The following ARID2 variants were observed in gnomAD, a reference collection of about 807,000 sequenced individuals.
The protein encoded by ARID2 is AT-rich interactive domain-containing protein 2.
ARID2 carries 32 observed loss-of-function variants against 184.6 expected under a neutral mutation model. That is an observed-to-expected ratio of 0.17 (90% CI 0.13 to 0.23). ARID2 has a LOEUF of 0.23. Ranked by LOEUF, ARID2 falls within the 10% of genes least tolerant of loss-of-function variation. ARID2 has a pLI of 1.00. For missense variants in ARID2, 1,696 were observed against 2,197.6 expected, an observed-to-expected ratio of 0.77 and a Z score of 4.56; for synonymous variants, 836 against 772.6, an observed-to-expected ratio of 1.08 and a Z score of -1.36.
chr12:45,747,985 A>T (rs558036189), intron 3 of ARID2, among the ~76,000 whole-genome samples: 2 of 152,242 alleles, frequency 1.3e-5, no homozygotes, highest in South Asian at 2.1e-4. Context: ...ATGAGAGTGA[A>T]TTTTTTGGTT....
At chr12:45,904,227 GAC>G in intron 20 of ARID2, 1 of 595,760 alleles carries the variant, frequency 1.7e-6, no homozygotes, top group Non-Finnish European at 3.0e-6. Context: ...ACTTAATGAA[GAC>G]TAAGAAGCTT....
intron 3 of ARID2, among the ~76,000 whole-genome samples, chr12:45,747,980 A>G (rs1369666520): frequency 6.6e-6 from 1 of 152,132 alleles, no homozygotes. Flanking sequence ...GTAAAATGAG[A>G]GTGAATTTTT....
intron 10 of ARID2, among the ~76,000 whole-genome samples, chr12:45,838,932 CT>C (rs1943275837): frequency 6.7e-6 from 1 of 148,384 alleles, no homozygotes; most frequent in Admixed American, 6.7e-5. Flanking sequence ...GTGGCCTGAT[CT>C]TGGCTCACTG....
At position 45,851,870 on chromosome 12, in the gene ARID2, A is replaced by G. The variant is rs2138174266; in HGVS notation, c.3747A>G (p.Glu1249=). The G allele has an allele frequency of 1.2e-6, 2 of 1,614,204 alleles. No homozygotes were observed. Among genetic ancestry groups the G allele is most frequent in the Non-Finnish European group, 1.7e-6 (2 of 1,180,014 alleles). The change falls in exon 15 of 21, where the codon GAA becomes GAG. Residue 1249 remains glutamate, a synonymous_variant. Transcript: ENST00000334344. ...GDKIICQKEE[E]AKEATGLHVH... The stretch of plus-strand genomic sequence containing the variant: ...AAATAATTTGCCAAAAGGAGGAGGA[A>G]GCAAAGGAAGCAACAGGTTTACATG...
chr12:45,867,092 A>G (rs1453685639), intron 16 of ARID2, among the ~76,000 whole-genome samples: 3 of 152,096 alleles, frequency 2.0e-5, no homozygotes, highest in Non-Finnish European at 4.4e-5. Context: ...CTGGGACTAC[A>G]GGTGCGTGCC....
At chr12:45,736,705 C>T (rs1305111303) in intron 3 of ARID2, among the ~76,000 whole-genome samples, 1 of 152,168 alleles carries the variant, frequency 6.6e-6, no homozygotes, top group Non-Finnish European at 1.5e-5. Context: ...AGAGTTTGTA[C>T]TCTAGAAACA....
chr12:45,893,226 T>C (rs1173381423), intron 18 of ARID2, among the ~76,000 whole-genome samples, 194 bp from the exon 19 acceptor site: 3 of 152,242 alleles, frequency 2.0e-5, no homozygotes, highest in East Asian at 3.8e-4. Context: ...AAACTTTACC[T>C]TGATACTAAG....
In ARID2 at chr12:45,852,705, G is replaced by A. The variant is rs761166036; in HGVS notation, c.4582G>A (p.Ala1528Thr). ...PAEDTDRETV[A>T]GIPNKVGVRI... ...AGAGGATACTGATAGGGAAACAGTC[G>A]CAGGAATTCCAAATAAAGTAGGAGT... Residue 1528 changes from alanine (A) to threonine (T), a missense_variant, in exon 15 of 21, where the codon GCA becomes ACA. Ala to Thr is a moderately conservative substitution (Grantham distance 58). This residue lies in a region of ARID2 where 111 missense variants were observed against 154.0 expected (regional missense o/e 0.72). Transcript: ENST00000334344. 13 of 1,613,976 alleles carry A rather than the reference G, an allele frequency of 8.1e-6. No homozygotes were observed. Among genetic ancestry groups the A allele is most frequent in the African/African-American group, 2.7e-5 (2 of 74,894 alleles).
At position 45,851,677 on chromosome 12, in the gene ARID2, C is replaced by G. The variant is rs775170616; in HGVS notation, c.3554C>G (p.Ala1185Gly). 15 of 1,614,018 alleles carry G rather than the reference C, an allele frequency of 9.3e-6. No individual in the cohort carries two copies. Among genetic ancestry groups the G allele is most frequent in the Non-Finnish European group, 1.2e-5 (14 of 1,180,022 alleles). The change falls in exon 15 of 21, where the codon GCA (alanine) becomes GGA (glycine). Residue 1185 changes from alanine to glycine, a missense_variant. Ala to Gly is a moderately conservative substitution (Grantham distance 60). This residue lies in a region of ARID2 where 428 missense variants were observed against 409.1 expected (regional missense o/e 1.05). Transcript: ENST00000334344. ...GTGCCAAATACGAGTTTTGCACCTG[C>G]AACTGTGAGTCAGGGAAATGCAACT... is the stretch of plus-strand genomic sequence containing the variant. ...TVVPNTSFAPATVSQGNATQL... is the reference protein window; with the variant it reads ...TVVPNTSFAPGTVSQGNATQL...
intron 3 of ARID2, among the ~76,000 whole-genome samples, chr12:45,778,999 A>G (rs1942037772): frequency 6.6e-6 from 1 of 152,086 alleles, no homozygotes; most frequent in African/African-American, 2.4e-5. Flanking sequence ...CCTATTATAA[A>G]CAATAACTTT....
chr12:45,801,815 A>C (rs1045475265), intron 3 of ARID2, among the ~76,000 whole-genome samples: 2 of 152,120 alleles, frequency 1.3e-5, no homozygotes, highest in African/African-American at 4.8e-5. Flanking sequence ...AGAGAGAGAG[A>C]GAAAGAATGA....
In ARID2 at chr12:45,893,363, A is replaced by T. The variant is rs929079763; in HGVS notation, c.5148-57A>T. 27 of 1,540,118 alleles carry T rather than the reference A, an allele frequency of 1.8e-5. No individual in the cohort carries two copies. The East Asian group carries it at 6.6e-4, about 37-fold the overall frequency. ...GGTTGGCAGGGTGGTCATAGTTGTC[A>T]GTCTGTCTGCAGTATCACGTTAATT... On this transcript the variant is annotated intron_variant, in intron 18 of 20. Coordinates refer to ENST00000334344, the MANE Select transcript of ARID2 (RefSeq NM_152641.4).
chr12:45,833,872 C>T (rs1047687898), intron 6 of ARID2, among the ~76,000 whole-genome samples: 8 of 152,152 alleles, frequency 5.3e-5, no homozygotes, highest in Admixed American at 4.6e-4. Flanking sequence ...TAGCAATGAA[C>T]TCAAAGTATA....
intron 3 of ARID2, chr12:45,776,386 T>A (rs1941981057): frequency 6.6e-6 from 1 of 152,312 alleles, no homozygotes; most frequent in African/African-American, 2.4e-5. Context: ...TTGTATTACT[T>A]GTGGGAAGAT....
chr12:45,735,977 C>G (rs1385224183), intron 3 of ARID2, among the ~76,000 whole-genome samples: 1 of 152,156 alleles, frequency 6.6e-6, no homozygotes, highest in Non-Finnish European at 1.5e-5. Flanking sequence ...TGAATAGAAG[C>G]ACTCTTTCAT....
chr12:45,878,835 GTTTCAGTTAAGCATCTGAGGTAAATAGCC>G (rs1284484732), intron 16 of ARID2, among the ~76,000 whole-genome samples: 1 of 152,132 alleles, frequency 6.6e-6, no homozygotes, highest in Non-Finnish European at 1.5e-5. Context: ...CAGACAGGAT[GTTTCAGTTAAGCATCTGAGGTAAATAGCC>G]TTTGGCGTGA....
At chr12:45,847,084 C>A in intron 12 of ARID2, 147 bp downstream of exon 12, 1 of 578,770 alleles carries the variant, frequency 1.7e-6, no homozygotes, top group Non-Finnish European at 2.9e-6. Context: ...AGAAAGGACA[C>A]TTTAAAATCC....
At chr12:45,879,526 G>C (rs1030535863) in intron 16 of ARID2, among the ~76,000 whole-genome samples, 1 of 152,150 alleles carries the variant, frequency 6.6e-6, no homozygotes, top group African/African-American at 2.4e-5. Context: ...GCTGTTTAAG[G>C]GTTCCTGCAA....
intron 6 of ARID2, among the ~76,000 whole-genome samples, chr12:45,835,655 A>G (rs1415026408): frequency 2.6e-5 from 4 of 152,298 alleles, no homozygotes; most frequent in African/African-American, 9.6e-5. Flanking sequence ...TAATCCCAGC[A>G]CTTTGGGAGG....
Sources: allele counts gnomAD v4.1 joint callset (sites outside exome capture counted in the v4.1 genomes callset), GRCh38; gene constraint gnomAD v4.1.1; regional missense constraint gnomAD v4.1.1; transcripts MANE v1.5; gene names NCBI Gene and HGNC (gene_info 2026-07-23, HGNC 2026-07-21).